The following TEK variants were observed in gnomAD, a reference collection of about 807,000 sequenced individuals.
TEK encodes TEK receptor tyrosine kinase.
In TEK, 43 loss-of-function variants were observed where a neutral mutation model predicts 131.8. The ratio of observed to expected loss-of-function variants is 0.33; its 90% CI spans 0.26 to 0.42. TEK has a LOEUF of 0.42. Ranked by LOEUF, TEK falls within the 10% of genes least tolerant of loss-of-function variation. TEK has a pLI of 1.00. For synonymous variants in TEK, 580 were observed against 491.6 expected (o/e 1.18, Z -2.38); for missense variants, 1,162 against 1,384.4 (o/e 0.84, Z 2.55).
intron 2 of TEK, among the ~76,000 whole-genome samples, chr9:27,166,261 T>C (rs973755168): frequency 3.3e-5 from 5 of 152,250 alleles, no homozygotes; most frequent in African/African-American, 1.2e-4. Flanking sequence ...AAACAGGCAA[T>C]GTTCTGGTAA....
At chr9:27,217,286 G>A (rs187091696) in intron 18 of TEK, among the ~76,000 whole-genome samples, 94 of 152,248 alleles carry the variant, frequency 6.2e-4, no homozygotes, top group African/African-American at 1.9e-3. Context: ...ATCTCCAGGC[G>A]TAGTTGTTCT....
chr9:27,183,747 A>G (rs1824488066), intron 8 of TEK, 137 bp downstream of exon 8: 3 of 1,195,810 alleles, frequency 2.5e-6, no homozygotes, highest in South Asian at 2.4e-5. Context: ...AAAATGCCCT[A>G]TTCCTGGAGA....
chr9:27,158,939 G>A (rs1050657454), intron 2 of TEK, among the ~76,000 whole-genome samples: 4 of 152,220 alleles, frequency 2.6e-5, no homozygotes, highest in African/African-American at 4.8e-5. Context: ...GATTACAGGC[G>A]TGAGCCACCA....
intron 1 of TEK, among the ~76,000 whole-genome samples, chr9:27,134,028 T>A (rs1693070562): frequency 6.6e-6 from 1 of 152,132 alleles, no homozygotes; most frequent in South Asian, 2.1e-4. Context: ...GAAGTTGACT[T>A]GTATTTTCCA....
chr9:27,142,538 G>A (rs1296962208), intron 1 of TEK, among the ~76,000 whole-genome samples: 1 of 152,248 alleles, frequency 6.6e-6, no homozygotes, highest in East Asian at 1.9e-4. Flanking sequence ...GCCACTTGCT[G>A]AGTTTTGGCA....
chr9:27,206,768 G>A lies in TEK; in HGVS notation c.2551G>A (p.Asp851Asn). Residue 851 changes from aspartate to asparagine, a missense_variant, in exon 15 of 23, where the codon GAT (aspartate) becomes AAT (asparagine). This residue lies in a region of TEK where 57 missense variants were observed against 100.8 expected (regional missense o/e 0.57). Transcript: ENST00000380036. ...CATCAAGAAGGATGGGTTACGGATG[G>A]ATGCTGCCATCAAAAGAATGAAAGG... Reference protein sequence around the residue: ...ARIKKDGLRMDAAIKRMKEYA... With the variant: ...ARIKKDGLRMNAAIKRMKEYA... 1.2e-6 allele frequency: 2 copies of A among 1,614,078 alleles called. No homozygotes were observed. Among genetic ancestry groups the A allele is most frequent in the Non-Finnish European group, 1.7e-6 (2 of 1,179,978 alleles).
rs148341545 is a variant in TEK at position 27,158,194 on chromosome 9, A to G, written c.364+52A>G. 5.0e-6 allele frequency: 8 copies of G among 1,607,040 alleles called. No individual in the cohort carries two copies. In the African/African-American group the frequency reaches 8.0e-5, roughly 16 times the overall value. On this transcript the variant is annotated intron_variant, in intron 2 of 22. Coordinates refer to ENST00000380036, the MANE Select transcript of TEK (RefSeq NM_000459.5). Reference sequence around the variant, plus strand: ...GTGAGGCCCACTGAGGAACACACACACCTTTTGTCTTGGCAGCTGCTCCCT... The same window carrying G: ...GTGAGGCCCACTGAGGAACACACACGCCTTTTGTCTTGGCAGCTGCTCCCT...
intron 3 of TEK, among the ~76,000 whole-genome samples, chr9:27,169,176 C>T (rs1823855143): frequency 6.6e-6 from 1 of 152,134 alleles, no homozygotes; most frequent in Non-Finnish European, 1.5e-5. Context: ...CATTTTTCAC[C>T]TAACTTTGCC....
intron 6 of TEK, among the ~76,000 whole-genome samples, chr9:27,178,452 TG>T (rs1824249751): frequency 6.6e-6 from 1 of 152,180 alleles, no homozygotes; most frequent in African/African-American, 2.4e-5. Flanking sequence ...AGGCCTTCTG[TG>T]GTTCAATATA....
At chr9:27,157,418 T>C (rs1386476401) in intron 1 of TEK, among the ~76,000 whole-genome samples, 4 of 152,214 alleles carry the variant, frequency 2.6e-5, no homozygotes, top group Non-Finnish European at 5.9e-5. Flanking sequence ...AGTTGATATA[T>C]TTCTTTAGAA....
intron 1 of TEK, among the ~76,000 whole-genome samples, chr9:27,125,762 T>C (rs1008261599): frequency 6.6e-6 from 1 of 152,244 alleles, no homozygotes; most frequent in Non-Finnish European, 1.5e-5. Flanking sequence ...TATCATTATT[T>C]TTTTGTATCT....
chr9:27,123,466 T>A (rs573549659), intron 1 of TEK, among the ~76,000 whole-genome samples: 7 of 152,286 alleles, frequency 4.6e-5, no homozygotes, highest in African/African-American at 1.7e-4. Context: ...GTTTTATAAA[T>A]ACACTGTAAT....
intron 9 of TEK, among the ~76,000 whole-genome samples, chr9:27,190,213 T>G (rs535764912): frequency 2.2e-4 from 33 of 151,936 alleles, no homozygotes; most frequent in African/African-American, 7.7e-4. Flanking sequence ...GGCTGGAGAG[T>G]GGGCAGGGGC....
intron 12 of TEK, among the ~76,000 whole-genome samples, chr9:27,201,049 G>A (rs971284541): frequency 6.6e-6 from 1 of 152,132 alleles, no homozygotes; most frequent in African/African-American, 2.4e-5. Context: ...TGCTTCTAGA[G>A]GTTCTTTAAG....
At position 27,229,976 on chromosome 9, in the gene TEK, A is replaced by G. The variant is rs968352270; in HGVS notation, c.*744A>G. 7 of 152,324 alleles carry G rather than the reference A, an allele frequency of 4.6e-5. No homozygotes were observed. Among genetic ancestry groups the G allele is most frequent in the Non-Finnish European group, 7.3e-5 (5 of 68,098 alleles). The allele number at this position is 152,324 out of a possible 1,614,324, so 9.4% of individuals were successfully genotyped here. The stretch of plus-strand genomic sequence containing the variant: ...CTTTTCTCTGGTAATATTGACTTGT[A>G]TATTTTAAGAAATAACAGAAAGCCT... On this transcript the variant is annotated 3_prime_UTR_variant, in exon 23 of 23. Transcript: ENST00000380036.
chr9:27,205,198 G>A (rs1045423183), intron 14 of TEK, 133 bp downstream of exon 14: 129 of 1,164,858 alleles, frequency 1.1e-4, no homozygotes, highest in Non-Finnish European at 2.2e-5. Flanking sequence ...TCTTCTCTTT[G>A]GCTTTCATTA....
rs1010753697 is a variant in TEK at position 27,229,308 on chromosome 9, C to T, written c.*76C>T. On this transcript the variant is annotated 3_prime_UTR_variant, in exon 23 of 23. Transcript: ENST00000380036. ...CTTGACACCTGCTGAGAAAACATGC[C>T]TCTGCCAAAGGATGTGATATATAAG... 1.4e-6 allele frequency: 2 copies of T among 1,409,456 alleles called. No homozygotes were observed. Among genetic ancestry groups the T allele is most frequent in the African/African-American group, 1.4e-5 (1 of 70,692 alleles). 87.3% of individuals were successfully genotyped at this position (1,409,456 alleles called of 1,614,324 possible).
intron 12 of TEK, among the ~76,000 whole-genome samples, chr9:27,201,099 G>A (rs922570205): frequency 1.3e-5 from 2 of 152,146 alleles, no homozygotes; most frequent in African/African-American, 4.8e-5. Flanking sequence ...GGTCTGATTA[G>A]TGTTTCCTAA....
chr9:27,139,212 CAA>C (rs746301649), intron 1 of TEK, among the ~76,000 whole-genome samples: 2 of 57,394 alleles, frequency 3.5e-5, no homozygotes, highest in Admixed American at 4.3e-4. Flanking sequence ...GACTCTGTCT[CAA>C]AAAAAAAAAA....
Sources: allele counts gnomAD v4.1 joint callset (sites outside exome capture counted in the v4.1 genomes callset), GRCh38; gene constraint gnomAD v4.1.1; regional missense constraint gnomAD v4.1.1; transcripts MANE v1.5; gene names NCBI Gene and HGNC (gene_info 2026-07-23, HGNC 2026-07-21).